MTERF2: variants seen among roughly 807,000 people sequenced by gnomAD.
MTERF2 encodes the protein transcription termination factor 2, mitochondrial.
In MTERF2, 23 loss-of-function variants were observed where a neutral mutation model predicts 29.2. The ratio of observed to expected loss-of-function variants is 0.79; its 90% CI spans 0.57 to 1.12. MTERF2 has a LOEUF of 1.12. MTERF2 is among the 50% of genes most tolerant of loss of function. MTERF2 has a pLI of 0.00. For synonymous variants in MTERF2, 157 were observed against 159.5 expected (o/e 0.98, Z 0.12); for missense variants, 440 against 429.4 (o/e 1.02, Z -0.22).
chr12:106,980,331 T>C (rs1952041194), intron 2 of MTERF2, among the ~76,000 whole-genome samples: 2 of 152,324 alleles, frequency 1.3e-5, no homozygotes, highest in South Asian at 4.1e-4. Context: ...AGCAACCGAA[T>C]TACATGGGGA....
chr12:106,978,956 T>C (rs1033575398), intron 2 of MTERF2, among the ~76,000 whole-genome samples, 185 bp from the exon 3 acceptor site: 6 of 151,954 alleles, frequency 3.9e-5, no homozygotes, highest in African/African-American at 1.5e-4. Flanking sequence ...AAGCCCGAGG[T>C]TGCAGTGAGC....
intron 2 of MTERF2, among the ~76,000 whole-genome samples, chr12:106,983,740 T>C (rs1593481993): frequency 6.6e-6 from 1 of 152,240 alleles, no homozygotes; most frequent in African/African-American, 2.4e-5. Flanking sequence ...CCATGACTTA[T>C]GATGCCTCCT....
chr12:106,982,512 A>G (rs1952064237), intron 2 of MTERF2, among the ~76,000 whole-genome samples: 2 of 152,206 alleles, frequency 1.3e-5, no homozygotes, highest in Admixed American at 1.3e-4. Flanking sequence ...TGTAATGAAC[A>G]CATAATACAT....
At position 106,978,451 on chromosome 12, in the gene MTERF2, A is replaced by C; in HGVS notation, c.264T>G (p.Gly88=). Residue 88 remains glycine (G), a synonymous_variant, in exon 3 of 3, where the codon GGT becomes GGG. Transcript: ENST00000240050. ...TACTGGCTACAGCAGTCTCATCGGC[A>C]CCTAGTTCTTGTAAAATATTCGCAA... ...EEIANILQEL[G]ADETAVASIL... is the part of the protein sequence containing the mutation. 1 of 1,614,222 alleles carries C rather than the reference A, an allele frequency of 6.2e-7. No individual in the cohort carries two copies. Among genetic ancestry groups the C allele is most frequent in the Non-Finnish European group, 8.5e-7 (1 of 1,180,042 alleles).
rs906921885 is a variant in MTERF2, at chr12:106,978,390, G to A, written c.325C>T (p.Pro109Ser). The A allele has an allele frequency of 1.2e-6, 2 of 1,614,048 alleles. No individual in the cohort carries two copies. The highest frequency in any genetic ancestry group is 2.7e-5 in the African/African-American group (2 of 74,904). ...TTTCTCTGGGTGTTAACAGCGGTTGGACTACAGACAATTGCTTCCGGGCAG... is the reference window on the plus strand; with the variant it reads ...TTTCTCTGGGTGTTAACAGCGGTTGAACTACAGACAATTGCTTCCGGGCAG... Reference protein sequence around the residue: ...ERCPEAIVCSPTAVNTQRKLW... With the variant: ...ERCPEAIVCSSTAVNTQRKLW... Residue 109 changes from proline to serine, a missense_variant, in exon 3 of 3, where the codon CCA becomes TCA. Coordinates refer to ENST00000240050, the MANE Select transcript of MTERF2 (RefSeq NM_001033050.3).
At chr12:106,982,172 A>G (rs1566233379) in intron 2 of MTERF2, among the ~76,000 whole-genome samples, 1 of 152,208 alleles carries the variant, frequency 6.6e-6, no homozygotes, top group Non-Finnish European at 1.5e-5. Context: ...AGCCAACTGC[A>G]GCATCTAGTG....
rs770287762 is a variant in MTERF2, at chr12:106,977,957, C to A, written c.758G>T (p.Gly253Val). ...EILQLLSKLK[G>V]FLFQLCPRSI... The stretch of plus-strand genomic sequence containing the variant: ...TCTTGGGCAAAGTTGAAAAAGAAAT[C>A]CTTTGAGTTTGGATAGAAGCTGGAG... The change falls in exon 3 of 3, where the codon GGA becomes GTA. Residue 253 changes from glycine (G) to valine (V), a missense_variant. Transcript: ENST00000240050. The A allele has an allele frequency of 1.4e-5, 23 of 1,614,062 alleles. No homozygotes were observed. The highest frequency in any genetic ancestry group is 5.5e-5 in the South Asian group (5 of 91,080).
intron 2 of MTERF2, among the ~76,000 whole-genome samples, chr12:106,984,167 T>G (rs1952083719): frequency 6.6e-6 from 1 of 152,198 alleles, no homozygotes; most frequent in African/African-American, 2.4e-5. Flanking sequence ...CTGAGAACTC[T>G]CAAGCCCTTT....
In MTERF2 at chr12:106,977,602, T is replaced by C. The variant is rs772392294; in HGVS notation, c.1113A>G (p.Val371=). The C allele has an allele frequency of 1.2e-6, 2 of 1,613,576 alleles. No homozygotes were observed. Among genetic ancestry groups the C allele is most frequent in the Non-Finnish European group, 1.7e-6 (2 of 1,179,774 alleles). The part of the protein sequence containing the change: ...ANFGKIQAKK[V]RPLFNPVAPL... ...GTGCCACAGGGTTAAATAATGGCCT[T>C]ACTTTTTTGGCCTGAATTTTGCCAA... The change falls in exon 3 of 3, where the codon GTA becomes GTG. Residue 371 remains valine, a synonymous_variant. Transcript: ENST00000240050.
intron 2 of MTERF2, among the ~76,000 whole-genome samples, chr12:106,979,989 C>T (rs1300745026): frequency 6.6e-6 from 1 of 152,138 alleles, no homozygotes; most frequent in Non-Finnish European, 1.5e-5. Context: ...CCTCCACCTC[C>T]CAAGTTCAAG....
intron 2 of MTERF2, among the ~76,000 whole-genome samples, chr12:106,979,651 CAT>C (rs774497168): frequency 6.6e-5 from 10 of 152,228 alleles, no homozygotes; most frequent in South Asian, 2.1e-4. Context: ...AAAAATGCCA[CAT>C]GACTGTTCCC....
chr12:106,985,542 G>A (rs1353693782), intron 1 of MTERF2: 2 of 152,266 alleles, frequency 1.3e-5, no homozygotes, highest in Non-Finnish European at 2.9e-5. Flanking sequence ...ATGGCACCAT[G>A]GACTTTTACA....
intron 1 of MTERF2, chr12:106,986,658 TAC>T (rs1952121518): frequency 6.6e-6 from 1 of 152,216 alleles, no homozygotes; most frequent in African/African-American, 2.4e-5. Flanking sequence ...ACTTCTGTAA[TAC>T]ACAGTTATGG....
At chr12:106,979,565 C>T (rs940205033) in intron 2 of MTERF2, among the ~76,000 whole-genome samples, 2 of 152,152 alleles carry the variant, frequency 1.3e-5, no homozygotes, top group East Asian at 3.9e-4. Context: ...CATGGTGAAA[C>T]CCCATCTCTA....
chr12:106,986,315 A>C (rs1952115585), intron 1 of MTERF2: 1 of 152,184 alleles, frequency 6.6e-6, no homozygotes, highest in Admixed American at 6.5e-5. Flanking sequence ...GGTGACTGCA[A>C]AGATCAAACG....
Position 106,977,428 on chromosome 12 carries a change from T to C in MTERF2, c.*129A>G, listed in dbSNP as rs981708728. The C allele has an allele frequency of 6.0e-6, 4 of 664,928 alleles. No individual in the cohort carries two copies. Among genetic ancestry groups the C allele is most frequent in the African/African-American group, 5.5e-5 (3 of 54,782 alleles). The allele number at this position is 664,928 out of a possible 1,614,324, so 41.2% of individuals were successfully genotyped here. A position where few individuals can be genotyped will look rare whatever the true frequency, so the allele number is the denominator to read the frequency against. On this transcript the variant is annotated 3_prime_UTR_variant, in exon 3 of 3. Transcript: ENST00000240050. Reference sequence around the variant, plus strand: ...GAGTCAGAATTTATCTATTTAGAGATAACTTAAATACAACACAGAAGCTAA... The same window carrying C: ...GAGTCAGAATTTATCTATTTAGAGACAACTTAAATACAACACAGAAGCTAA...
At chr12:106,983,886 T>A (rs574725742) in intron 2 of MTERF2, among the ~76,000 whole-genome samples, 1 of 152,308 alleles carries the variant, frequency 6.6e-6, no homozygotes, top group East Asian at 1.9e-4. Flanking sequence ...CAGACCATCC[T>A]CAAACCAGCT....
intron 2 of MTERF2, 71 bp from the exon 3 acceptor site, chr12:106,978,842 G>A (rs1952022423): frequency 1.3e-6 from 1 of 750,738 alleles, no homozygotes; most frequent in African/African-American, 1.8e-5. Flanking sequence ...TTACAAATTT[G>A]AGCTGTTGAA....
intron 2 of MTERF2, 73 bp from the exon 3 acceptor site, chr12:106,978,844 G>T: frequency 1.4e-6 from 1 of 727,766 alleles, no homozygotes; most frequent in Non-Finnish European, 2.1e-6. Flanking sequence ...ACAAATTTGA[G>T]CTGTTGAAGT....
Sources: gnomAD v4.1 joint callset for allele counts (sites outside exome capture counted in the v4.1 genomes callset) on GRCh38, gnomAD v4.1.1 for gene constraint, MANE v1.5 for transcripts, NCBI Gene and HGNC (gene_info 2026-07-23, HGNC 2026-07-21) for gene names.